P3H2: variants seen among roughly 807,000 people sequenced by gnomAD.
P3H2 encodes leprecan-like 1.
A neutral mutation model predicts 87.0 loss-of-function variants in P3H2; 80 were observed. The observed-to-expected ratio is 0.92, with a 90% confidence interval of 0.77 to 1.11. P3H2 has a LOEUF of 1.11. Ranked by LOEUF, P3H2 falls within the 50% of genes least tolerant of loss-of-function variation. The pLI is 0.00. For missense variants in P3H2, 1,001 were observed against 923.9 expected, an observed-to-expected ratio of 1.08 and a Z score of -1.08; for synonymous variants, 367 against 359.3, an observed-to-expected ratio of 1.02 and a Z score of -0.24.
At chr3:190,083,597 C>T (rs1265337889) in intron 1 of P3H2, among the ~76,000 whole-genome samples, 4 of 152,190 alleles carry the variant, frequency 2.6e-5, no homozygotes, top group Admixed American at 2.6e-4. Context: ...TGTGGTGTAT[C>T]CCGCCCCATC....
chr3:189,994,270 G>T lies in P3H2; in HGVS notation c.647C>A (p.Ala216Glu). The T allele has an allele frequency of 6.2e-7, 1 of 1,610,070 alleles. No individual in the cohort carries two copies. The highest frequency in any genetic ancestry group is 8.5e-7 in the Non-Finnish European group (1 of 1,176,982). ...EAKPHMESYN[A>E]GVKHYEADDF... ...ATCAGCCTCATAATGTTTAACTCCT[G>T]CATTGTAACTCTCCTGTAATGAAAC... The change falls in exon 3 of 15, where the codon GCA becomes GAA. Residue 216 changes from alanine to glutamate, a missense_variant. Coordinates refer to ENST00000319332, the MANE Select transcript of P3H2 (RefSeq NM_018192.4).
intron 1 of P3H2, among the ~76,000 whole-genome samples, chr3:190,050,323 T>C (rs920952877): frequency 6.6e-6 from 1 of 152,194 alleles, no homozygotes; most frequent in African/African-American, 2.4e-5. Flanking sequence ...TTTAGATATT[T>C]GAAAGCGACA....
intron 1 of P3H2, 119 bp from the exon 2 acceptor site, chr3:189,995,561 T>G (rs1266918415): frequency 9.0e-6 from 10 of 1,105,098 alleles, no homozygotes; most frequent in South Asian, 4.5e-5. Context: ...CCTTGGTTTT[T>G]TTTTTTTTTA....
chr3:189,969,106 G>A (rs1723093951), intron 13 of P3H2: 4 of 530,118 alleles, frequency 7.5e-6, no homozygotes, highest in East Asian at 3.6e-5. Context: ...CTGAGGTATG[G>A]CAGTGAGCAG....
At chr3:190,011,621 C>T (rs1252829457) in intron 1 of P3H2, among the ~76,000 whole-genome samples, 1 of 152,164 alleles carries the variant, frequency 6.6e-6, no homozygotes, top group African/African-American at 2.4e-5. Flanking sequence ...GAGCACCCGA[C>T]AGAAAGAGCT....
At chr3:190,041,617 G>A (rs539157257) in intron 1 of P3H2, among the ~76,000 whole-genome samples, 1 of 152,154 alleles carries the variant, frequency 6.6e-6, no homozygotes, top group Non-Finnish European at 1.5e-5. Flanking sequence ...AAAGACCTAG[G>A]TCAATAGCAC....
intron 14 of P3H2, chr3:189,963,730 C>A: frequency 1.9e-6 from 1 of 540,438 alleles, no homozygotes; most frequent in Non-Finnish European, 3.3e-6. Context: ...AGGAGTGAGC[C>A]ACCACGCCCA....
chr3:190,014,112 T>G (rs561173288), intron 1 of P3H2, among the ~76,000 whole-genome samples: 1 of 152,336 alleles, frequency 6.6e-6, no homozygotes, highest in East Asian at 1.9e-4. Flanking sequence ...GAATGATTCA[T>G]GAAGAATGTA....
At chr3:190,046,186 C>G (rs1240158119) in intron 1 of P3H2, among the ~76,000 whole-genome samples, 1 of 151,366 alleles carries the variant, frequency 6.6e-6, no homozygotes, top group Non-Finnish European at 1.5e-5. Context: ...GGATTTCAGA[C>G]TTGCCAAGCC....
chr3:190,030,413 T>C lies in P3H2; in HGVS notation c.481-34971A>G, dbSNP rs148470146. 1.6e-4 allele frequency among the ~76,000 whole-genome samples: 24 copies of C among 152,122 alleles called. No individual in the cohort carries two copies. In the East Asian group the frequency reaches 4.4e-3, roughly 28 times the overall value. On this transcript the variant is annotated intron_variant, in intron 1 of 14. Coordinates refer to ENST00000319332, the MANE Select transcript of P3H2 (RefSeq NM_018192.4). ...ATGGCAAAACCTCTTGTCTAAAAAA[T>C]GCAAAAATTAGCTGGGCGTGATGGC...
At chr3:189,982,098 A>G (rs1360638799) in intron 8 of P3H2, among the ~76,000 whole-genome samples, 1 of 149,118 alleles carries the variant, frequency 6.7e-6, no homozygotes, top group African/African-American at 2.5e-5. Context: ...CAATTCTTTC[A>G]TCAATAGGTG....
At chr3:190,083,183 T>A (rs1727107766) in intron 1 of P3H2, among the ~76,000 whole-genome samples, 1 of 152,206 alleles carries the variant, frequency 6.6e-6, no homozygotes, top group Non-Finnish European at 1.5e-5. Flanking sequence ...CTCTTTAGCC[T>A]AACTTACCAA....
chr3:190,087,626 T>C (rs370599014), intron 1 of P3H2, among the ~76,000 whole-genome samples: 10 of 151,364 alleles, frequency 6.6e-5, no homozygotes, highest in African/African-American at 2.2e-4. Flanking sequence ...AATATCTAAA[T>C]GCATTATGGG....
chr3:190,082,405 T>C (rs889276590), intron 1 of P3H2, among the ~76,000 whole-genome samples: 2 of 152,156 alleles, frequency 1.3e-5, no homozygotes, highest in Non-Finnish European at 2.9e-5. Flanking sequence ...AGACTAATAA[T>C]AATGCCCACC....
intron 1 of P3H2, among the ~76,000 whole-genome samples, chr3:190,118,624 C>A (rs1712386667): frequency 6.6e-6 from 1 of 151,918 alleles, no homozygotes; most frequent in South Asian, 2.1e-4. Context: ...CCAGTGAACT[C>A]CAACACCTTA....
chr3:190,000,772 G>A (rs1404693448), intron 1 of P3H2, among the ~76,000 whole-genome samples: 1 of 152,206 alleles, frequency 6.6e-6, no homozygotes, highest in Non-Finnish European at 1.5e-5. Flanking sequence ...AGAAGTTAGA[G>A]AAGGACGGAT....
intron 1 of P3H2, among the ~76,000 whole-genome samples, chr3:190,043,164 T>C (rs1725693563): frequency 1.3e-5 from 2 of 152,214 alleles, no homozygotes; most frequent in Admixed American, 6.5e-5. Flanking sequence ...TGTGTGTTCA[T>C]GTGCACATGC....
chr3:190,065,993 T>G (rs980648473), intron 1 of P3H2, among the ~76,000 whole-genome samples: 4 of 152,134 alleles, frequency 2.6e-5, no homozygotes, highest in African/African-American at 9.6e-5. Context: ...GCTATATAAT[T>G]TCCATGTATT....
At chr3:190,103,985 C>T (rs1711734094) in intron 1 of P3H2, among the ~76,000 whole-genome samples, 1 of 151,872 alleles carries the variant, frequency 6.6e-6, no homozygotes, top group Non-Finnish European at 1.5e-5. Flanking sequence ...AGAGACGGGA[C>T]TTCACTATGT....
Sources: gnomAD v4.1 joint callset for allele counts (sites outside exome capture counted in the v4.1 genomes callset) on GRCh38, gnomAD v4.1.1 for gene constraint, MANE v1.5 for transcripts, NCBI Gene and HGNC (gene_info 2026-07-23, HGNC 2026-07-21) for gene names.